Variants in STK32C observed in about 807,000 individuals in gnomAD.
STK32C encodes serine/threonine kinase 32C.
Under a neutral mutation model 56.5 loss-of-function variants are expected in STK32C, and 31 were observed. The ratio of observed to expected loss-of-function variants is 0.55; its 90% CI spans 0.41 to 0.74. The LOEUF is 0.74. STK32C is among the 30% of genes least tolerant of loss of function. The pLI is 0.00. For synonymous variants in STK32C, 309 were observed against 289.4 expected (o/e 1.07, Z -0.69); for missense variants, 544 against 676.9 (o/e 0.80, Z 2.18).
At chr10:132,266,950 G>A (rs1159809351) in intron 1 of STK32C, among the ~76,000 whole-genome samples, 14 of 152,158 alleles carry the variant, frequency 9.2e-5, no homozygotes, top group Admixed American at 7.8e-4. Flanking sequence ...GGACGAGGCC[G>A]CAGAGGAACT....
At chr10:132,239,892 C>T (rs1004435727) in intron 2 of STK32C, among the ~76,000 whole-genome samples, 2 of 152,220 alleles carry the variant, frequency 1.3e-5, no homozygotes, top group African/African-American at 2.4e-5. Context: ...GACAGGGACG[C>T]ATCACTCGCC....
chr10:132,228,754 T>C (rs548310436), intron 2 of STK32C, among the ~76,000 whole-genome samples: 3 of 152,206 alleles, frequency 2.0e-5, no homozygotes, highest in Admixed American at 6.5e-5. Flanking sequence ...TCATCAACCA[T>C]GGCTGCAGCT....
intron 1 of STK32C, among the ~76,000 whole-genome samples, chr10:132,278,835 C>T (rs921357375): frequency 2.0e-5 from 3 of 151,780 alleles, no homozygotes; most frequent in East Asian, 1.9e-4. Flanking sequence ...AAACAAGGGG[C>T]TACTTTTCTT....
intron 1 of STK32C, among the ~76,000 whole-genome samples, chr10:132,314,352 G>A (rs1168248129): frequency 6.6e-6 from 1 of 152,240 alleles, no homozygotes; most frequent in Non-Finnish European, 1.5e-5. Context: ...GTGACAGACT[G>A]AGGGTGGCTA....
At chr10:132,224,364 G>GTT in intron 8 of STK32C, 43 bp downstream of exon 8, 1 of 1,420,238 alleles carries the variant, frequency 7.0e-7, no homozygotes, top group Non-Finnish European at 9.7e-7. Flanking sequence ...AGGGAGGGAG[G>GTT]TGGGTGCTCG....
chr10:132,309,281 A>G (rs2066174767), upstream of STK32C, among the ~76,000 whole-genome samples: 1 of 152,080 alleles, frequency 6.6e-6, no homozygotes, highest in Admixed American at 6.5e-5. Context: ...AGGAGCCCCC[A>G]TCCCTTGGGG....
intron 1 of STK32C, among the ~76,000 whole-genome samples, chr10:132,272,405 C>T (rs1334889153): frequency 6.6e-6 from 1 of 152,194 alleles, no homozygotes; most frequent in African/African-American, 2.4e-5. Context: ...ACAACCCGAG[C>T]AAATGAATAC....
chr10:132,224,503 G>A lies in STK32C; in HGVS notation c.897C>T (p.Ser299=), dbSNP rs781746681. The A allele has an allele frequency of 9.4e-6, 15 of 1,591,536 alleles. No individual in the cohort carries two copies. Among genetic ancestry groups the A allele is most frequent in the South Asian group, 1.1e-5 (1 of 87,116 alleles). ...LRGWRPYDIH[S]SNAVESLVQL... is the part of the protein sequence containing the mutation. ...GCACCAGGGACTCCACGGCGTTGCT[G>A]GAGTGGATGTCATAGGGCCTCTGGA... The change falls in exon 8 of 12, where the codon TCC becomes TCT. Residue 299 remains serine (S), a synonymous_variant. Transcript: ENST00000298630.
At chr10:132,223,071 G>A (rs975594927) in intron 8 of STK32C, 85 bp from the exon 9 acceptor site, 5 of 1,485,214 alleles carry the variant, frequency 3.4e-6, no homozygotes, top group African/African-American at 1.4e-5. Flanking sequence ...AGGGCACCTT[G>A]AGGAGGGTCC....
At chr10:132,268,137 G>A (rs568809473) in intron 1 of STK32C, among the ~76,000 whole-genome samples, 14 of 136,544 alleles carry the variant, frequency 1.0e-4, no homozygotes, top group East Asian at 4.6e-4. Flanking sequence ...GCGTGCATGC[G>A]TCACATTGTG....
At chr10:132,287,841 A>T (rs1259714973) in intron 1 of STK32C, among the ~76,000 whole-genome samples, 2 of 152,194 alleles carry the variant, frequency 1.3e-5, no homozygotes, top group East Asian at 3.9e-4. Context: ...CCAGAAGAGT[A>T]CAAATAATAC....
At chr10:132,280,876 G>A (rs1444875312) in intron 1 of STK32C, among the ~76,000 whole-genome samples, 2 of 140,740 alleles carry the variant, frequency 1.4e-5, no homozygotes, top group South Asian at 2.3e-4. Flanking sequence ...CCGTGACCAC[G>A]CCCCTGCACT....
chr10:132,217,006 CA>C (rs200661237), intron 10 of STK32C, among the ~76,000 whole-genome samples: 1 of 6,226 alleles, frequency 1.6e-4, no homozygotes, highest in African/African-American at 3.7e-4. Context: ...CACTGGGGCA[CA>C]CTGCCTAGTG....
At chr10:132,267,508 C>CGTGT (rs71472734) in intron 1 of STK32C, among the ~76,000 whole-genome samples, 2 of 147,432 alleles carry the variant, frequency 1.4e-5, no homozygotes, top group African/African-American at 5.0e-5. Flanking sequence ...TGTCCCACAT[C>CGTGT]GTGTGTGTGT....
At chr10:132,331,560 G>A (rs1458939329) in exon 1 of STK32C, 25 of 1,612,840 alleles carry the variant, frequency 1.6e-5, no homozygotes, top group Non-Finnish European at 2.0e-5. Flanking sequence ...AGCAGCTCCT[G>A]TGGGAAGTGG....
intron 1 of STK32C, among the ~76,000 whole-genome samples, chr10:132,304,292 A>C (rs961005978): frequency 6.9e-6 from 1 of 144,210 alleles, no homozygotes; most frequent in South Asian, 2.1e-4. Context: ...AGAGGGGCTT[A>C]AAAAAAAAGC....
intron 1 of STK32C, among the ~76,000 whole-genome samples, chr10:132,294,228 G>A (rs756895273): frequency 2.6e-5 from 4 of 151,312 alleles, no homozygotes; most frequent in Admixed American, 6.6e-5. Context: ...AGTCAGAGAC[G>A]AGGAGGATCC....
intron 1 of STK32C, among the ~76,000 whole-genome samples, chr10:132,257,943 G>A (rs957817554): frequency 2.6e-5 from 4 of 152,206 alleles, no homozygotes; most frequent in African/African-American, 9.7e-5. Flanking sequence ...CCTGACATGG[G>A]CTGCAAAGAC....
intron 1 of STK32C, among the ~76,000 whole-genome samples, chr10:132,315,644 G>A (rs778952328): frequency 3.7e-4 from 56 of 152,288 alleles, no homozygotes; most frequent in Non-Finnish European, 6.9e-4. Context: ...TCCATCTCAG[G>A]AATTGCTAGA....
Sources: gnomAD v4.1 joint callset for allele counts (sites outside exome capture counted in the v4.1 genomes callset) on GRCh38, gnomAD v4.1.1 for gene constraint, MANE v1.5 for transcripts, NCBI Gene and HGNC (gene_info 2026-07-23, HGNC 2026-07-21) for gene names.